Variants in RPAP1 observed in about 807,000 individuals in gnomAD.
RPAP1 encodes RNA polymerase II-associated protein 1.
Under a neutral mutation model 142.4 loss-of-function variants are expected in RPAP1, and 109 were observed. The observed-to-expected ratio is 0.77, with a 90% CI of 0.66 to 0.90. The LOEUF (loss-of-function observed/expected upper bound fraction) is 0.90. Among genes scored for constraint, RPAP1 ranks in the 40% least tolerant of loss-of-function variants. The pLI is 0.00. For missense variants in RPAP1, 1,546 were observed against 1,751.7 expected (o/e 0.88, Z 2.10); for synonymous variants, 704 against 738.9 (o/e 0.95, Z 0.77).
intron 8 of RPAP1, 100 bp from the exon 9 acceptor site, chr15:41,529,668 G>T: frequency 1.0e-6 from 1 of 959,644 alleles, no homozygotes. Flanking sequence ...CTTAGGTACT[G>T]ACTCTACTTC....
intron 1 of RPAP1, among the ~76,000 whole-genome samples, chr15:41,540,364 C>T (rs935893197): frequency 1.1e-4 from 16 of 150,494 alleles, no homozygotes; most frequent in Middle Eastern, 3.4e-3. Flanking sequence ...TGCAATGGCA[C>T]GATCTCGGCT....
intron 1 of RPAP1, among the ~76,000 whole-genome samples, chr15:41,537,981 C>T (rs879627663): frequency 1.3e-5 from 2 of 152,116 alleles, no homozygotes; most frequent in East Asian, 1.9e-4. Context: ...CGGTGGCTCA[C>T]GCCTGTAATC....
rs767084381 is a variant in RPAP1, at chr15:41,535,527, C to T, written c.526G>A (p.Val176Met). The T allele has an allele frequency of 2.0e-5, 33 of 1,610,968 alleles. No individual in the cohort carries two copies. The South Asian group carries it at 3.0e-4, about 15-fold the overall frequency. Reference sequence around the variant, plus strand: ...CCCGGCTCACCCTCTGGTGGGCCCACGTTGGGCACAACTTCCCCAACTGAT... The same window carrying T: ...CCCGGCTCACCCTCTGGTGGGCCCATGTTGGGCACAACTTCCCCAACTGAT... ...GPSVGEVVPN[V>M]GPPEGAVTCE... The change falls in exon 5 of 25, where the codon GTG becomes ATG. Residue 176 changes from valine (V) to methionine (M), a missense_variant. This residue lies in a region of RPAP1 where 1,333 missense variants were observed against 1,486.6 expected (regional missense o/e 0.90). Transcript: ENST00000304330.
At chr15:41,525,510 T>C (rs1171976131) in intron 14 of RPAP1, among the ~76,000 whole-genome samples, 1 of 151,870 alleles carries the variant, frequency 6.6e-6, no homozygotes, top group Non-Finnish European at 1.5e-5. Context: ...GACTAATTTT[T>C]GTATTTTTAG....
At chr15:41,525,949 C>CA (rs2051786568) in intron 14 of RPAP1, among the ~76,000 whole-genome samples, 1 of 150,944 alleles carries the variant, frequency 6.6e-6, no homozygotes, top group Non-Finnish European at 1.5e-5. Context: ...CCACCGCGCC[C>CA]GGCCCTATTA....
intron 1 of RPAP1, among the ~76,000 whole-genome samples, chr15:41,543,394 G>C (rs913188514): frequency 6.6e-6 from 1 of 151,554 alleles, no homozygotes; most frequent in Non-Finnish European, 1.5e-5. Flanking sequence ...TATTTTTTTA[G>C]TACAGACGGG....
At position 41,535,620 on chromosome 15, in the gene RPAP1, T is replaced by C. The variant is rs749062703; in HGVS notation, c.433A>G (p.Thr145Ala). ...RSRDTQGKSA[T>A]SGKRSIFAQE... The stretch of plus-strand genomic sequence containing the variant: ...GCAAAGATGCTTCTCTTACCAGATG[T>C]TGCTGATTTCCCCTGTGGGGCAAAA... Residue 145 changes from threonine to alanine, a missense_variant, in exon 5 of 25, where the codon ACA becomes GCA. Around this residue, in one of 3 missense-constraint regions of RPAP1, gnomAD observed 1,333 missense variants for 1,486.6 expected, o/e 0.90. Coordinates refer to ENST00000304330, the MANE Select transcript of RPAP1 (RefSeq NM_015540.4). 1 of 1,613,248 alleles carries C rather than the reference T, an allele frequency of 6.2e-7. No homozygotes were observed. Among genetic ancestry groups the C allele is most frequent in the Non-Finnish European group, 8.5e-7 (1 of 1,179,802 alleles).
rs1252240989 is a variant in RPAP1 at position 41,521,754 on chromosome 15, G to T, written c.3022C>A (p.Arg1008=). 4 of 1,614,010 alleles carry T rather than the reference G, an allele frequency of 2.5e-6. No individual in the cohort carries two copies. Among genetic ancestry groups the T allele is most frequent in the Non-Finnish European group, 3.4e-6 (4 of 1,180,040 alleles). The change falls in exon 21 of 25, where the codon CGG becomes AGG. Residue 1008 remains arginine, a synonymous_variant. Transcript: ENST00000304330. ...AGCACTTACGGGAGGAACTCCAGCC[G>T]GAATACACAGCTCAGCAGCAGCTCA... The part of the protein sequence containing the change: ...THELLLSCVF[R]LEFLPERTSG...
chr15:41,529,262 GA>G (rs755997793), intron 9 of RPAP1, among the ~76,000 whole-genome samples: 1 of 152,176 alleles, frequency 6.6e-6, no homozygotes, highest in Non-Finnish European at 1.5e-5. Context: ...TTGAACCCAG[GA>G]GGTGGAGGCT....
chr15:41,518,238 TA>T (rs2051688219), intron 22 of RPAP1, 56 bp from the exon 23 acceptor site: 2 of 1,457,626 alleles, frequency 1.4e-6, no homozygotes, highest in Non-Finnish European at 1.8e-6. Flanking sequence ...TATACATACA[TA>T]AGGTGTGTGG....
At position 41,523,971 on chromosome 15, in the gene RPAP1, C is replaced by T; in HGVS notation, c.2236G>A (p.Asp746Asn). The T allele has an allele frequency of 6.2e-7, 1 of 1,613,500 alleles. No homozygotes were observed. Among genetic ancestry groups the T allele is most frequent in the Non-Finnish European group, 8.5e-7 (1 of 1,179,754 alleles). ...AGSTPAETIS[D>N]SAEASLSATP... ...GCCGAGAGGCTGGCCTCAGCAGAATCACTACAAAAGTGCCAAAGGGTGCCA... is the reference window on the plus strand; with the variant it reads ...GCCGAGAGGCTGGCCTCAGCAGAATTACTACAAAAGTGCCAAAGGGTGCCA... Residue 746 changes from aspartate (D) to asparagine (N), a missense_variant and splice_region_variant, in exon 17 of 25, where the codon GAT (aspartate) becomes AAT (asparagine). Transcript: ENST00000304330.
chr15:41,535,728 A>T, intron 4 of RPAP1, 96 bp from the exon 5 acceptor site: 2 of 1,503,066 alleles, frequency 1.3e-6, no homozygotes, highest in Non-Finnish European at 1.8e-6. Context: ...AAGAGATAAA[A>T]GGGGATTTGC....
chr15:41,534,908 G>A lies in RPAP1; in HGVS notation c.569C>T (p.Pro190Leu), dbSNP rs1347506671. 6.2e-7 allele frequency: 1 copy of A among 1,614,154 alleles called. No individual in the cohort carries two copies. Among genetic ancestry groups the A allele is most frequent in the East Asian group, 2.2e-5 (1 of 44,884 alleles). Residue 190 changes from proline to leucine, a missense_variant, in exon 6 of 25, where the codon CCT becomes CTT. Pro to Leu is a moderately conservative substitution (Grantham distance 98, BLOSUM62 -3). Coordinates refer to ENST00000304330, the MANE Select transcript of RPAP1 (RefSeq NM_015540.4). Reference sequence around the variant, plus strand: ...AGGAAGCTGGCAGCCCTGGTTCCTAGGAGTGGGTGTCTCACAGGTCACGGC... The same window carrying A: ...AGGAAGCTGGCAGCCCTGGTTCCTAAGAGTGGGTGTCTCACAGGTCACGGC... ...EGAVTCETPT[P>L]RNQGCQLPGS...
rs1475975073 is a variant in RPAP1, at chr15:41,527,784, A to G, written c.1428+76T>C. The G allele has an allele frequency of 3.2e-6, 5 of 1,569,694 alleles. No homozygotes were observed. In the African/African-American group the frequency reaches 6.8e-5, roughly 21 times the overall value. The stretch of plus-strand genomic sequence containing the variant: ...ACATCTTGCCCGCAAAGCCTTAGCA[A>G]TGGGGCCATGCCCAGGAACAGGAAT... On this transcript the variant is annotated intron_variant, in intron 11 of 24. Coordinates refer to ENST00000304330, the MANE Select transcript of RPAP1 (RefSeq NM_015540.4).
In RPAP1 at chr15:41,527,074, G is replaced by C; in HGVS notation, c.1747-6C>G. ...AGCCGAGGGCACTCCAGGACCTATG[G>C]GAGACAGGAGGTAAAAGGGAGGAAG... On this transcript the variant is annotated splice_region_variant and splice_polypyrimidine_tract_variant and intron_variant, in intron 13 of 24. Transcript: ENST00000304330. 1 of 1,613,426 alleles carries C rather than the reference G, an allele frequency of 6.2e-7. No homozygotes were observed. Among genetic ancestry groups the C allele is most frequent in the East Asian group, 2.2e-5 (1 of 44,848 alleles).
At chr15:41,529,369 C>A (rs1416327624) in intron 9 of RPAP1, 101 bp downstream of exon 9, 2 of 763,912 alleles carry the variant, frequency 2.6e-6, no homozygotes, top group Non-Finnish European at 2.2e-6. Flanking sequence ...AAGGCATGAA[C>A]TAGAACAGGG....
In RPAP1 at chr15:41,523,874, G is replaced by A. The variant is rs369954246; in HGVS notation, c.2333C>T (p.Thr778Ile). ...CTCAGGTCTGGACAGCAACTTCAAGGTCTGCCTTAGACACGGCTCAACAAG... is the reference window on the plus strand; with the variant it reads ...CTCAGGTCTGGACAGCAACTTCAAGATCTGCCTTAGACACGGCTCAACAAG... ...QPLVEPCLRQ[T>I]LKLLSRPEMW... The change falls in exon 17 of 25, where the codon ACC becomes ATC. Residue 778 changes from threonine to isoleucine, a missense_variant. Coordinates refer to ENST00000304330, the MANE Select transcript of RPAP1 (RefSeq NM_015540.4). The A allele has an allele frequency of 1.9e-5, 31 of 1,607,906 alleles. No individual in the cohort carries two copies. In the Admixed American group the frequency reaches 2.4e-4, roughly 12 times the overall value.
chr15:41,536,926 C>T lies in RPAP1; in HGVS notation c.181+19G>A. The T allele has an allele frequency of 6.2e-7, 1 of 1,610,180 alleles. No homozygotes were observed. The highest frequency in any genetic ancestry group is 8.5e-7 in the Non-Finnish European group (1 of 1,176,938). On this transcript the variant is annotated intron_variant, in intron 2 of 24. Coordinates refer to ENST00000304330, the MANE Select transcript of RPAP1 (RefSeq NM_015540.4). ...CTGTACCCTCTCTACTTCTCAGCCTCACATCCATGGGAACTCACTGTCCAA... is the reference window on the plus strand; with the variant it reads ...CTGTACCCTCTCTACTTCTCAGCCTTACATCCATGGGAACTCACTGTCCAA...
rs2051763468 is a variant in RPAP1 at position 41,524,128 on chromosome 15, CAGGGTTAGCTGGGTG to C, written c.2187_2201del (p.Thr730_Leu734del). On this transcript the variant is annotated inframe_deletion, in exon 16 of 25. Transcript: ENST00000304330. ...TTTCAGCAGGGGTACTGCCGGCTGCCAGGGTTAGCTGGGTGAGGAGAGTGAGCAGTGAGGCTATCC... is the reference window on the plus strand; with the variant it reads ...TTTCAGCAGGGGTACTGCCGGCTGCCAGGAGAGTGAGCAGTGAGGCTATCC... The C allele has an allele frequency of 6.3e-7, 1 of 1,592,872 alleles. No homozygotes were observed. Among genetic ancestry groups the C allele is most frequent in the Non-Finnish European group, 8.6e-7 (1 of 1,167,876 alleles).
Sources: gnomAD v4.1 joint callset for allele counts (sites outside exome capture counted in the v4.1 genomes callset) on GRCh38, gnomAD v4.1.1 for gene constraint, gnomAD v4.1.1 regional missense constraint, MANE v1.5 for transcripts, NCBI Gene and HGNC (gene_info 2026-07-23, HGNC 2026-07-21) for gene names.